PCDHA3: variants seen among roughly 807,000 people sequenced by gnomAD.
PCDHA3 encodes the protein protocadherin alpha-3.
PCDHA3 carries 41 observed loss-of-function variants against 62.2 expected under a neutral mutation model. The observed-to-expected ratio is 0.66, with a 90% CI of 0.51 to 0.86. The LOEUF is 0.86. Ranked by LOEUF, PCDHA3 falls within the 40% of genes least tolerant of loss-of-function variation. The pLI, the probability that PCDHA3 is intolerant of heterozygous loss-of-function variation, is 0.00. For missense variants in PCDHA3, 1,304 were observed against 1,241.2 expected, an observed-to-expected ratio of 1.05 and a Z score of -0.76; for synonymous variants, 640 against 555.4, an observed-to-expected ratio of 1.15 and a Z score of -2.14.
chr5:140,929,082 G>A, intron 1 of PCDHA3: 2 of 1,614,216 alleles, frequency 1.2e-6, no homozygotes, highest in South Asian at 1.1e-5. Flanking sequence ...ATGGAAGTAA[G>A]ATGGTTTCAA....
intron 1 of PCDHA3, among the ~76,000 whole-genome samples, chr5:140,879,977 C>T (rs1285167233): frequency 6.6e-6 from 1 of 152,174 alleles, no homozygotes; most frequent in African/African-American, 2.4e-5. Flanking sequence ...AAACTCCTTT[C>T]AAGATCCTTA....
intron 1 of PCDHA3, among the ~76,000 whole-genome samples, chr5:140,909,815 C>A (rs1168197798): frequency 3.9e-5 from 6 of 152,094 alleles, no homozygotes; most frequent in Non-Finnish European, 8.8e-5. Flanking sequence ...ACTCCATAAG[C>A]CCCTACTTTA....
chr5:140,970,373 C>T (rs1554232421), intron 1 of PCDHA3, among the ~76,000 whole-genome samples: 2 of 152,250 alleles, frequency 1.3e-5, no homozygotes, highest in East Asian at 1.9e-4. Context: ...GCTATAGCTT[C>T]AAAAGGCTGG....
At chr5:140,897,785 A>G (rs1246213890) in intron 1 of PCDHA3, among the ~76,000 whole-genome samples, 1 of 152,148 alleles carries the variant, frequency 6.6e-6, no homozygotes, top group Non-Finnish European at 1.5e-5. Context: ...CAATGGTTGA[A>G]CTAGTTTAGA....
At chr5:140,836,542 C>T (rs2150263545) in intron 1 of PCDHA3, 1 of 1,613,772 alleles carries the variant, frequency 6.2e-7, no homozygotes, top group Non-Finnish European at 8.5e-7. Context: ...CTGTACACGG[C>T]GTTGCGGTGC....
At chr5:140,821,766 C>A in intron 1 of PCDHA3, 3 of 1,592,410 alleles carry the variant, frequency 1.9e-6, no homozygotes, top group Non-Finnish European at 1.7e-6. Flanking sequence ...ATAATTGGAA[C>A]GAGATTGAGA....
At chr5:141,008,837 C>T (rs1460664317) in intron 3 of PCDHA3, among the ~76,000 whole-genome samples, 10 of 152,178 alleles carry the variant, frequency 6.6e-5, no homozygotes, top group South Asian at 2.1e-4. Flanking sequence ...CATCCTCTTA[C>T]GCTGTGTATT....
In PCDHA3 at chr5:140,801,481, T is replaced by A. The variant is rs782568249; in HGVS notation, c.284T>A (p.Leu95Gln). ...AATTCTCGGATAGACCGCGAGGAAC[T>A]GTGCGGGCGGAGCGCGGAGTGCAGC... Reference protein sequence around the residue: ...FVNSRIDREELCGRSAECSIH... With the variant: ...FVNSRIDREEQCGRSAECSIH... Residue 95 changes from leucine (L) to glutamine (Q), a missense_variant, in exon 1 of 4, where the codon CTG (leucine) becomes CAG (glutamine). Physicochemically the swap from Leu to Gln is moderately radical, Grantham distance 113. Transcript: ENST00000522353. 6 of 1,614,126 alleles carry A rather than the reference T, an allele frequency of 3.7e-6. No homozygotes were observed. In the Admixed American group the frequency reaches 5.0e-5, roughly 13 times the overall value.
intron 1 of PCDHA3, chr5:140,870,171 C>T: frequency 6.2e-7 from 1 of 1,614,140 alleles, no homozygotes; most frequent in East Asian, 2.2e-5. Context: ...CCTTGTCCCT[C>T]CCAGTACGAG....
intron 1 of PCDHA3, chr5:140,876,679 A>T (rs782671923): frequency 2.5e-6 from 4 of 1,614,118 alleles, no homozygotes; most frequent in Non-Finnish European, 3.4e-6. Flanking sequence ...CACCTACAAG[A>T]ATTACTACTC....
chr5:140,989,350 T>G (rs188962457), intron 3 of PCDHA3, among the ~76,000 whole-genome samples: 17 of 152,274 alleles, frequency 1.1e-4, no homozygotes, highest in African/African-American at 3.9e-4. Context: ...TCAAAGGTGA[T>G]AGGTCACCTG....
intron 1 of PCDHA3, chr5:140,858,510 T>C: frequency 2.1e-6 from 3 of 1,437,158 alleles, no homozygotes; most frequent in African/African-American, 1.4e-5. Flanking sequence ...TTCTCAAATA[T>C]GTATCAGAAT....
rs782414359 is a variant in PCDHA3 at position 140,802,121 on chromosome 5, A to T, written c.924A>T (p.Ile308=). ...GACAAATCAGTGTAAAGGGTAACAT[A>T]GATTTCGAGGAAAGTAAGTCATATG... is the stretch of plus-strand genomic sequence containing the variant. ...VNGQISVKGN[I]DFEESKSYEI... Residue 308 remains isoleucine (I), a synonymous_variant, in exon 1 of 4, where the codon ATA becomes ATT. Transcript: ENST00000522353. 4 of 1,614,250 alleles carry T rather than the reference A, an allele frequency of 2.5e-6. No homozygotes were observed. The East Asian group carries it at 8.9e-5, about 36-fold the overall frequency.
At chr5:140,943,690 CA>C (rs2093548144) in intron 1 of PCDHA3, among the ~76,000 whole-genome samples, 1 of 151,974 alleles carries the variant, frequency 6.6e-6, no homozygotes, top group Non-Finnish European at 1.5e-5. Context: ...GGGATAAGGT[CA>C]AAATATTGTG....
Position 141,011,486 on chromosome 5 carries a change from T to C in PCDHA3, c.*1549T>C, listed in dbSNP as rs887081256. ...GAATGTAATTCCATTATATTTCCTT[T>C]TGTACACCTGTGAAAAAGTGGAGTA... is the stretch of plus-strand genomic sequence containing the variant. On this transcript the variant is annotated 3_prime_UTR_variant, in exon 4 of 4. Coordinates refer to ENST00000522353, the MANE Select transcript of PCDHA3 (RefSeq NM_018906.3). 15 of 153,928 alleles carry C rather than the reference T, an allele frequency of 9.7e-5. No homozygotes were observed. Among genetic ancestry groups the C allele is most frequent in the African/African-American group, 2.9e-4 (12 of 41,596 alleles). The allele number at this position is 153,928 out of a possible 1,614,324, so 9.5% of individuals were successfully genotyped here.
chr5:140,856,130 G>A lies in PCDHA3; in HGVS notation c.2394+52539G>A. The stretch of plus-strand genomic sequence containing the variant: ...CCTCGCAGCCTGGGAGGTGGGGAGC[G>A]GCCAGCTCCACTACTCAGTCTACGA... On this transcript the variant is annotated intron_variant, in intron 1 of 3. Transcript: ENST00000522353. 7 of 1,598,068 alleles carry A rather than the reference G, an allele frequency of 4.4e-6. 1 individual carries two copies. The highest frequency in any genetic ancestry group is 6.0e-6 in the Non-Finnish European group (7 of 1,167,790).
At chr5:140,957,900 G>A (rs2095395670) in intron 1 of PCDHA3, among the ~76,000 whole-genome samples, 1 of 151,932 alleles carries the variant, frequency 6.6e-6, no homozygotes, top group South Asian at 2.1e-4. Flanking sequence ...CATCAACCAA[G>A]GCATATTGTT....
At chr5:140,875,516 T>G in intron 1 of PCDHA3, 1 of 1,613,976 alleles carries the variant, frequency 6.2e-7, no homozygotes, top group Non-Finnish European at 8.5e-7. Context: ...CAGCGTCTGC[T>G]GCTCTCGCTT....
rs1375244170 is a variant in PCDHA3 at position 140,803,301 on chromosome 5, G to T, written c.2104G>T (p.Val702Phe). 4 of 1,613,996 alleles carry T rather than the reference G, an allele frequency of 2.5e-6. No individual in the cohort carries two copies. In the African/African-American group the frequency reaches 5.3e-5, roughly 22 times the overall value. Reference protein sequence around the residue: ...ALVDVNVYLIVAICAVSSLLV... With the variant: ...ALVDVNVYLIFAICAVSSLLV... ...GGTGGATGTCAACGTGTACTTGATC[G>T]TCGCCATCTGCGCGGTGTCCAGTCT... Residue 702 changes from valine (V) to phenylalanine (F), a missense_variant, in exon 1 of 4, where the codon GTC (valine) becomes TTC (phenylalanine). Transcript: ENST00000522353.
Sources: gnomAD v4.1 joint callset for allele counts (sites outside exome capture counted in the v4.1 genomes callset) on GRCh38, gnomAD v4.1.1 for gene constraint, MANE v1.5 for transcripts, NCBI Gene and HGNC (gene_info 2026-07-23, HGNC 2026-07-21) for gene names.